Variants in SLC14A2 observed in about 807,000 individuals in gnomAD.
SLC14A2 encodes the protein solute carrier family 14 member 2, also known as urea transporter 2.
SLC14A2 carries 91 observed loss-of-function variants against 104.6 expected under a neutral mutation model. The observed-to-expected ratio is 0.87, with a 90% CI of 0.73 to 1.04. The LOEUF is 1.04. Among genes scored for constraint, SLC14A2 ranks in the 50% least tolerant of loss-of-function variants. The pLI is 0.00. For missense variants in SLC14A2, 1,189 were observed against 1,156.0 expected (o/e 1.03, Z -0.41); for synonymous variants, 476 against 466.4 (o/e 1.02, Z -0.27).
chr18:45,424,357 G>A (rs2086392861), intron 1 of SLC14A2, among the ~76,000 whole-genome samples: 1 of 152,178 alleles, frequency 6.6e-6, no homozygotes. Flanking sequence ...CATATTCTGG[G>A]GTTCTATGGA....
chr18:45,252,153 T>A (rs1261035365), intron 1 of SLC14A2, among the ~76,000 whole-genome samples: 1 of 152,226 alleles, frequency 6.6e-6, no homozygotes, highest in East Asian at 1.9e-4. Context: ...AGCTCTGGCC[T>A]GGACAGACCC....
intron 2 of SLC14A2, among the ~76,000 whole-genome samples, chr18:45,576,206 T>C (rs1240369725): frequency 6.6e-6 from 1 of 151,704 alleles, no homozygotes; most frequent in Non-Finnish European, 1.5e-5. Context: ...GATGGGCACT[T>C]CCTGCTTGGA....
intron 2 of SLC14A2, among the ~76,000 whole-genome samples, chr18:45,494,148 A>C (rs1319203923): frequency 6.6e-6 from 1 of 152,212 alleles, no homozygotes; most frequent in African/African-American, 2.4e-5. Context: ...GAGACCAGGA[A>C]GGCAAGAATT....
chr18:45,378,019 T>A (rs967454422), intron 1 of SLC14A2, among the ~76,000 whole-genome samples: 1 of 152,218 alleles, frequency 6.6e-6, no homozygotes, highest in African/African-American at 2.4e-5. Flanking sequence ...AATGCACACA[T>A]CTTTCAAAAT....
chr18:45,302,697 T>A (rs1568142821), intron 1 of SLC14A2, among the ~76,000 whole-genome samples: 1 of 152,216 alleles, frequency 6.6e-6, no homozygotes, highest in Non-Finnish European at 1.5e-5. Context: ...ATATTCATTA[T>A]AGTCTCATAT....
chr18:45,289,406 A>G (rs1446015684), intron 1 of SLC14A2, among the ~76,000 whole-genome samples: 1 of 151,996 alleles, frequency 6.6e-6, no homozygotes, highest in African/African-American at 2.4e-5. Flanking sequence ...TTTAATGAAA[A>G]TCCCTTAATT....
At chr18:45,557,303 T>C (rs1477179105) in intron 2 of SLC14A2, among the ~76,000 whole-genome samples, 1 of 152,226 alleles carries the variant, frequency 6.6e-6, no homozygotes, top group Non-Finnish European at 1.5e-5. Context: ...TGCAATAGGT[T>C]CCCTCTAGTC....
chr18:45,416,100 C>T lies in SLC14A2; in HGVS notation c.-124-67133C>T, dbSNP rs562255297. Among the ~76,000 whole-genome samples, 17 of 152,132 alleles carry T rather than the reference C, an allele frequency of 1.1e-4. No homozygotes were observed. The South Asian group carries it at 3.1e-3, about 28-fold the overall frequency. The stretch of plus-strand genomic sequence containing the variant: ...AAAGTCTTTTTGGCGTTGAAGAGAG[C>T]GTTTGAGTCCTAAGTGCCTGTATTG... On this transcript the variant is annotated intron_variant, in intron 1 of 20. Transcript: ENST00000586448.
intron 13 of SLC14A2, 77 bp from the exon 14 acceptor site, chr18:45,667,756 C>T (rs1378659410): frequency 1.7e-6 from 2 of 1,194,102 alleles, no homozygotes; most frequent in African/African-American, 3.0e-5. Flanking sequence ...ATCCAGATTC[C>T]CTCACACCCT....
At chr18:45,536,232 G>T (rs1223896238) in intron 2 of SLC14A2, among the ~76,000 whole-genome samples, 1 of 152,198 alleles carries the variant, frequency 6.6e-6, no homozygotes, top group Non-Finnish European at 1.5e-5. Context: ...GACAAGAGTG[G>T]GGTGGGCTTG....
chr18:45,235,300 AATAATTGTGC>A (rs1295090224), intron 1 of SLC14A2, among the ~76,000 whole-genome samples: 1 of 152,182 alleles, frequency 6.6e-6, no homozygotes, highest in East Asian at 1.9e-4. Context: ...TTTGACACAC[AATAATTGTGC>A]ATATTTATGG....
chr18:45,397,815 A>G (rs2086052249), intron 1 of SLC14A2, among the ~76,000 whole-genome samples: 1 of 152,182 alleles, frequency 6.6e-6, no homozygotes, highest in Non-Finnish European at 1.5e-5. Context: ...CACATTAGAG[A>G]TAACAATAGT....
At chr18:45,568,709 A>G (rs2044302588) in intron 2 of SLC14A2, among the ~76,000 whole-genome samples, 1 of 152,240 alleles carries the variant, frequency 6.6e-6, no homozygotes, top group Admixed American at 6.5e-5. Flanking sequence ...CTGAATGACA[A>G]TACGAAGTAG....
intron 4 of SLC14A2, among the ~76,000 whole-genome samples, chr18:45,627,872 T>C (rs1317636949): frequency 6.6e-6 from 1 of 151,874 alleles, no homozygotes; most frequent in Non-Finnish European, 1.5e-5. Context: ...CAGCTGTGCA[T>C]GGTCGTGCAT....
intron 1 of SLC14A2, among the ~76,000 whole-genome samples, chr18:45,465,071 A>C (rs1354943429): frequency 6.6e-6 from 1 of 152,206 alleles, no homozygotes; most frequent in Non-Finnish European, 1.5e-5. Context: ...AGCTAGAGAA[A>C]TAATAGGAAG....
chr18:45,468,023 C>T (rs1403978532), intron 1 of SLC14A2, among the ~76,000 whole-genome samples: 1 of 152,108 alleles, frequency 6.6e-6, no homozygotes, highest in East Asian at 1.9e-4. Context: ...GGGCTGCACC[C>T]TCTCCTCTAC....
At chr18:45,618,781 GGA>G (rs1156500308) in intron 1 of SLC14A2, among the ~76,000 whole-genome samples, 1 of 151,608 alleles carries the variant, frequency 6.6e-6, no homozygotes, top group Non-Finnish European at 1.5e-5. Context: ...CTAGGGATAG[GGA>G]GAGAGCTTTG....
At chr18:45,491,865 C>T (rs2144730290) in intron 2 of SLC14A2, among the ~76,000 whole-genome samples, 1 of 152,312 alleles carries the variant, frequency 6.6e-6, no homozygotes, top group East Asian at 1.9e-4. Flanking sequence ...CCACTGGGGT[C>T]CCAGCCAGCA....
chr18:45,221,974 G>A (rs971113118), intron 1 of SLC14A2, among the ~76,000 whole-genome samples: 2 of 152,074 alleles, frequency 1.3e-5, no homozygotes, highest in African/African-American at 4.8e-5. Context: ...TCAAAAATGA[G>A]CATACATTTT....
Sources: gnomAD v4.1 joint callset for allele counts (sites outside exome capture counted in the v4.1 genomes callset) on GRCh38, gnomAD v4.1.1 for gene constraint, MANE v1.5 for transcripts, NCBI Gene and HGNC (gene_info 2026-07-23, HGNC 2026-07-21) for gene names.